The following POTEG variants were observed in gnomAD, a reference collection of about 807,000 sequenced individuals.
POTEG encodes the protein ANKRD26-like family C member 2.
Under a neutral mutation model 49.6 loss-of-function variants are expected in POTEG, and 2 were observed. The observed-to-expected ratio is 0.04, with a 90% CI of 0.02 to 0.13. The LOEUF (loss-of-function observed/expected upper bound fraction) is 0.13, where lower values mean the gene tolerates loss of function less well. Among genes scored for constraint, POTEG ranks in the 10% least tolerant of loss-of-function variants. POTEG has a pLI of 1.00. For synonymous variants in POTEG, 7 were observed against 186.6 expected (o/e 0.04, Z 7.84); for missense variants, 26 against 545.2 (o/e 0.05, Z 9.48).
chr14:19,426,825 C>T (rs1883967489), intron 3 of POTEG: 1 of 424,194 alleles, frequency 2.4e-6, no homozygotes, highest in Non-Finnish European at 4.6e-6. Flanking sequence ...AAAACCTCAT[C>T]TCTACTAAAA....
intron 1 of POTEG, among the ~76,000 whole-genome samples, chr14:19,433,257 T>C (rs1252296205): frequency 8.0e-6 from 1 of 125,770 alleles, no homozygotes; most frequent in African/African-American, 3.1e-5. Context: ...AAATTCAATC[T>C]TCCTATTCAA....
At chr14:19,426,552 C>A (rs1227981780) in intron 3 of POTEG, among the ~76,000 whole-genome samples, 1 of 152,196 alleles carries the variant, frequency 6.6e-6, no homozygotes, top group Non-Finnish European at 1.5e-5. Flanking sequence ...GGGCCATCCT[C>A]TACTTATTGA....
At chr14:19,415,518 G>C (rs1329509032) in intron 7 of POTEG, among the ~76,000 whole-genome samples, 1 of 148,004 alleles carries the variant, frequency 6.8e-6, no homozygotes, top group Non-Finnish European at 1.5e-5. Flanking sequence ...GGGACCATCA[G>C]TGTTACATTG....
chr14:19,426,158 TC>T (rs1344956541), intron 3 of POTEG, among the ~76,000 whole-genome samples: 28 of 146,936 alleles, frequency 1.9e-4, no homozygotes, highest in Non-Finnish European at 3.9e-4. Flanking sequence ...AAGTTCAACC[TC>T]CAACATGCAA....
chr14:19,415,836 T>A (rs1883538764), intron 7 of POTEG, among the ~76,000 whole-genome samples: 1,095 of 20,346 alleles, frequency 0.054, 5 homozygotes, highest in African/African-American at 0.069. Context: ...AAAATTTTTT[T>A]TTTTTTTTTT....
intron 7 of POTEG, among the ~76,000 whole-genome samples, chr14:19,414,877 C>T (rs1328867930): frequency 1.2e-4 from 16 of 130,252 alleles, no homozygotes; most frequent in Non-Finnish European, 2.0e-4. Flanking sequence ...AAACATGAAC[C>T]AGCAAACTTA....
chr14:19,417,286 AGAG>A (rs1883613379), intron 6 of POTEG, among the ~76,000 whole-genome samples: 1 of 150,264 alleles, frequency 6.7e-6, no homozygotes, highest in South Asian at 2.1e-4. Context: ...ACTGCAGGGG[AGAG>A]TCTTGCACAT....
At chr14:19,433,251 T>C (rs28734853) in intron 1 of POTEG, among the ~76,000 whole-genome samples, 2,487 of 101,414 alleles carry the variant, frequency 0.025, no homozygotes, top group East Asian at 0.049. Flanking sequence ...TTCAGAAAAT[T>C]CAATCTTCCT....
At chr14:19,425,469 A>G in intron 4 of POTEG, 137 bp downstream of exon 4, 2 of 192,796 alleles carry the variant, frequency 1.0e-5, no homozygotes, top group Non-Finnish European at 2.1e-5. Context: ...AGTCCAAATA[A>G]TTGTTTTTCT....
intron 6 of POTEG, among the ~76,000 whole-genome samples, chr14:19,419,011 A>C (rs145219913): frequency 0.028 from 3,274 of 117,534 alleles, 447 homozygotes; most frequent in Non-Finnish European, 0.038. Context: ...CCAAAAAAAA[A>C]AAAAACAAAA....
chr14:19,421,497 GA>G, intron 6 of POTEG, 126 bp downstream of exon 6: 1 of 1,157,512 alleles, frequency 8.6e-7, no homozygotes, highest in South Asian at 1.3e-5. Context: ...TAACATGATT[GA>G]ATAATTCTGA....
chr14:19,432,833 A>T (rs1349569774), intron 1 of POTEG, among the ~76,000 whole-genome samples: 3 of 93,202 alleles, frequency 3.2e-5, no homozygotes, highest in African/African-American at 1.3e-4. Context: ...AAATTAACTT[A>T]GCACAATAAT....
intron 1 of POTEG, among the ~76,000 whole-genome samples, chr14:19,433,140 G>T (rs1219433627): frequency 6.7e-6 from 1 of 148,264 alleles, no homozygotes; most frequent in Non-Finnish European, 1.5e-5. Context: ...TGTTAGCCAG[G>T]ATGGTCTCGA....
intron 7 of POTEG, among the ~76,000 whole-genome samples, 179 bp from the exon 8 acceptor site, chr14:19,414,785 T>G: frequency 6.9e-6 from 1 of 145,060 alleles, no homozygotes; most frequent in African/African-American, 2.5e-5. Context: ...TAAGATTAAC[T>G]TTTTAATCTA....
intron 7 of POTEG, among the ~76,000 whole-genome samples, chr14:19,415,545 TTAA>T (rs1883521440): frequency 6.7e-6 from 1 of 149,102 alleles, no homozygotes; most frequent in African/African-American, 2.4e-5. Context: ...ATTCTATTGC[TTAA>T]TAATATAATC....
At chr14:19,429,076 GCCT>G in intron 1 of POTEG, 87 bp from the exon 2 acceptor site, 2 of 417,332 alleles carry the variant, frequency 4.8e-6, no homozygotes, top group East Asian at 1.4e-4. Flanking sequence ...ACACTGAATA[GCCT>G]GCTATTACTG....
At chr14:19,415,738 G>A (rs1359796134) in intron 7 of POTEG, among the ~76,000 whole-genome samples, 2 of 151,192 alleles carry the variant, frequency 1.3e-5, no homozygotes, top group African/African-American at 4.9e-5. Flanking sequence ...TTATGTTGAA[G>A]TTAAATATCA....
At chr14:19,416,060 G>A (rs1883553376) in intron 7 of POTEG, among the ~76,000 whole-genome samples, 1 of 146,166 alleles carries the variant, frequency 6.8e-6, no homozygotes, top group Non-Finnish European at 1.5e-5. Flanking sequence ...TAGCCAGGAT[G>A]GTCTCGATCT....
At chr14:19,415,829 A>ATTTTTTTTTTTTT (rs58833974) in intron 7 of POTEG, among the ~76,000 whole-genome samples, 3 of 96,698 alleles carry the variant, frequency 3.1e-5, no homozygotes, top group African/African-American at 1.4e-4. Context: ...ATCTATTAAA[A>ATTTTTTTTTTTTT]TTTTTTTTTT....
Sources: allele counts gnomAD v4.1 joint callset (sites outside exome capture counted in the v4.1 genomes callset), GRCh38; gene constraint gnomAD v4.1.1; transcripts MANE v1.5; gene names NCBI Gene and HGNC (gene_info 2026-07-23, HGNC 2026-07-21).